The following CBL variants were observed in gnomAD, a reference collection of about 807,000 sequenced individuals.
CBL encodes Cbl proto-oncogene, also known as E3 ubiquitin-protein ligase CBL.
Under a neutral mutation model 96.9 loss-of-function variants are expected in CBL, and 45 were observed. The ratio of observed to expected loss-of-function variants is 0.46; its 90% CI spans 0.37 to 0.60. The LOEUF (loss-of-function observed/expected upper bound fraction) is 0.60, where lower values mean the gene tolerates loss of function less well. CBL is among the 20% of genes least tolerant of loss of function. The pLI is 0.00. For missense variants in CBL, 1,024 were observed against 1,143.5 expected (o/e 0.90, Z 1.51); for synonymous variants, 420 against 426.8 (o/e 0.98, Z 0.20).
chr11:119,224,411 C>T (rs190390887), intron 1 of CBL, among the ~76,000 whole-genome samples: 15 of 152,054 alleles, frequency 9.9e-5, no homozygotes, highest in African/African-American at 3.1e-4. Context: ...CACTGCCCCC[C>T]ATTGAAAGTC....
At chr11:119,289,449 T>G (rs1950008752) in intron 12 of CBL, 1 of 152,182 alleles carries the variant, frequency 6.6e-6, no homozygotes. Flanking sequence ...GTTCTATTTC[T>G]TGCCTGCCTT....
At chr11:119,269,049 A>G (rs943970907) in intron 2 of CBL, among the ~76,000 whole-genome samples, 4 of 152,214 alleles carry the variant, frequency 2.6e-5, no homozygotes, top group African/African-American at 9.6e-5. Context: ...GGAACACTGG[A>G]AAGTAAATAC....
At chr11:119,264,999 C>T (rs1348678683) in intron 2 of CBL, among the ~76,000 whole-genome samples, 6 of 152,144 alleles carry the variant, frequency 3.9e-5, no homozygotes, top group Non-Finnish European at 8.8e-5. Context: ...ACCTCAGCAA[C>T]CCTAGTAGCT....
chr11:119,255,082 A>G (rs1459590672), intron 2 of CBL, among the ~76,000 whole-genome samples: 1 of 152,124 alleles, frequency 6.6e-6, no homozygotes, highest in Non-Finnish European at 1.5e-5. Flanking sequence ...ACTGGGCTCC[A>G]TGAAAGAATT....
intron 2 of CBL, among the ~76,000 whole-genome samples, chr11:119,242,855 A>T (rs562375913): frequency 5.4e-4 from 82 of 152,026 alleles, no homozygotes; most frequent in African/African-American, 6.0e-4. Flanking sequence ...TTTTAAAAAA[A>T]TTTTTCTCTC....
rs538804322 is a variant in CBL, at chr11:119,211,988, C to T, written c.195+5376C>T. Among the ~76,000 whole-genome samples the T allele has an allele frequency of 9.2e-5, 14 of 152,220 alleles. No individual in the cohort carries two copies. In the East Asian group the frequency reaches 1.9e-3, roughly 21 times the overall value. ...AGACTGGAGTGCAATGGCATGATCT[C>T]GGCTCACTGCAGCCCCTGCCTCCCA... On this transcript the variant is annotated intron_variant, in intron 1 of 15. Coordinates refer to ENST00000264033, the MANE Select transcript of CBL (RefSeq NM_005188.4).
At chr11:119,280,528 T>A (rs1949924935) in intron 9 of CBL, among the ~76,000 whole-genome samples, 1 of 152,170 alleles carries the variant, frequency 6.6e-6, no homozygotes, top group African/African-American at 2.4e-5. Context: ...CTGGTAGATG[T>A]TGTTTGTTGT....
Position 119,248,929 on chromosome 11 carries a change from G to T in CBL, c.443+16234G>T, listed in dbSNP as rs117420562. 2.7e-3 allele frequency among the ~76,000 whole-genome samples: 406 copies of T among 152,292 alleles called. 18 individuals carry two copies. In the East Asian group the frequency reaches 0.077, roughly 29 times the overall value. ...GAAATGCAAATCAAAACCACAATGA[G>T]ATACCACTTCACAGCTGTTAGGTGG... is the stretch of plus-strand genomic sequence containing the variant. On this transcript the variant is annotated intron_variant, in intron 2 of 15. Transcript: ENST00000264033.
intron 2 of CBL, among the ~76,000 whole-genome samples, chr11:119,254,718 C>T (rs956316246): frequency 6.6e-6 from 1 of 152,054 alleles, no homozygotes; most frequent in African/African-American, 2.4e-5. Context: ...TCTCCTGCCT[C>T]AGACTCCTGA....
chr11:119,241,915 G>A (rs772560745), intron 2 of CBL, among the ~76,000 whole-genome samples: 2 of 152,138 alleles, frequency 1.3e-5, no homozygotes, highest in South Asian at 2.1e-4. Flanking sequence ...CTAATGAATT[G>A]GATAGATTTC....
rs75631490 is a variant in CBL at position 119,301,637 on chromosome 11, T to C, written c.*1856T>C. 1,447 of 233,320 alleles carry C rather than the reference T, an allele frequency of 6.2e-3. 23 individuals are homozygous for C. Among genetic ancestry groups the C allele is most frequent in the African/African-American group, 0.03 (1,359 of 45,472 alleles). 14.5% of individuals were successfully genotyped at this position (233,320 alleles called of 1,614,324 possible). A position where few individuals can be genotyped will look rare whatever the true frequency, so the allele number is the denominator to read the frequency against. ...TATCCCCTGGCCTCAGAGCCATTTA[T>C]ATTCCCAGAGTAGGCAGTACAGGAT... On this transcript the variant is annotated 3_prime_UTR_variant, in exon 16 of 16. Transcript: ENST00000264033.
intron 2 of CBL, among the ~76,000 whole-genome samples, chr11:119,247,196 A>G (rs968724254): frequency 6.6e-6 from 1 of 152,210 alleles, no homozygotes; most frequent in Non-Finnish European, 1.5e-5. Flanking sequence ...ATGATGTTCC[A>G]TACCGTACAT....
chr11:119,235,060 T>C (rs1003240152), intron 2 of CBL, among the ~76,000 whole-genome samples: 3 of 152,202 alleles, frequency 2.0e-5, no homozygotes, highest in Non-Finnish European at 4.4e-5. Flanking sequence ...CTTTCTCTTA[T>C]AGATGATAGG....
At chr11:119,217,773 T>C (rs571598876) in intron 1 of CBL, among the ~76,000 whole-genome samples, 1 of 152,260 alleles carries the variant, frequency 6.6e-6, no homozygotes, top group South Asian at 2.1e-4. Context: ...ATACTTACTT[T>C]AAAATACAAA....
chr11:119,272,011 T>C, intron 3 of CBL, 130 bp downstream of exon 3: 1 of 835,672 alleles, frequency 1.2e-6, no homozygotes. Context: ...ATGTATTTCC[T>C]GGCTTTGGTT....
At chr11:119,280,275 A>C (rs1949923050) in intron 9 of CBL, among the ~76,000 whole-genome samples, 1 of 152,214 alleles carries the variant, frequency 6.6e-6, no homozygotes, top group African/African-American at 2.4e-5. Context: ...GTTATAATTA[A>C]CAGAGGGGCT....
chr11:119,264,242 T>A (rs1949777752), intron 2 of CBL, among the ~76,000 whole-genome samples: 1 of 152,182 alleles, frequency 6.6e-6, no homozygotes, highest in African/African-American at 2.4e-5. Context: ...GGTTTGTTTT[T>A]AGAGACAGTC....
At chr11:119,259,741 A>G (rs1431333239) in intron 2 of CBL, among the ~76,000 whole-genome samples, 1 of 152,220 alleles carries the variant, frequency 6.6e-6, no homozygotes, top group African/African-American at 2.4e-5. Flanking sequence ...AGATGGCATT[A>G]GTTTCTGCCT....
chr11:119,247,305 G>A (rs1949639192), intron 2 of CBL, among the ~76,000 whole-genome samples: 3 of 152,148 alleles, frequency 2.0e-5, no homozygotes, highest in Non-Finnish European at 4.4e-5. Context: ...TCTCATCAAC[G>A]TGGTACTAGA....
Sources: gnomAD v4.1 joint callset for allele counts (sites outside exome capture counted in the v4.1 genomes callset) on GRCh38, gnomAD v4.1.1 for gene constraint, MANE v1.5 for transcripts, NCBI Gene and HGNC (gene_info 2026-07-23, HGNC 2026-07-21) for gene names.